Variants in SPATA16 observed in about 807,000 individuals in gnomAD.
SPATA16 encodes the protein spermatogenesis associated 16.
A neutral mutation model predicts 63.3 loss-of-function variants in SPATA16; 36 were observed. The ratio of observed to expected loss-of-function variants is 0.57; its 90% CI spans 0.44 to 0.75. The LOEUF is 0.75. Ranked by LOEUF, SPATA16 falls within the 30% of genes least tolerant of loss-of-function variation. The pLI is 0.00. For synonymous variants in SPATA16, 203 were observed against 216.7 expected, an observed-to-expected ratio of 0.94 and a Z score of 0.56; for missense variants, 646 against 679.3, an observed-to-expected ratio of 0.95 and a Z score of 0.54.
chr3:172,959,257 A>G lies in SPATA16; in HGVS notation c.934-2433T>C, dbSNP rs530315834. Among the ~76,000 whole-genome samples, 3 of 152,230 alleles carry G rather than the reference A, an allele frequency of 2.0e-5. No individual in the cohort carries two copies. The South Asian group carries it at 6.2e-4, about 32-fold the overall frequency. ...TTGGCGAAGCCATCTCACAGTGGGGATGGTAAGACTCGTGCCCAAGAACCT... is the reference window on the plus strand; with the variant it reads ...TTGGCGAAGCCATCTCACAGTGGGGGTGGTAAGACTCGTGCCCAAGAACCT... On this transcript the variant is annotated intron_variant, in intron 5 of 10. Coordinates refer to ENST00000351008, the MANE Select transcript of SPATA16 (RefSeq NM_031955.6).
chr3:172,891,375 C>T (rs1181015259), intron 10 of SPATA16, among the ~76,000 whole-genome samples: 1 of 152,068 alleles, frequency 6.6e-6, no homozygotes, highest in Non-Finnish European at 1.5e-5. Flanking sequence ...AGACAAGAAA[C>T]ACAAGATATG....
At chr3:172,981,833 TA>T (rs1486440936) in intron 4 of SPATA16, among the ~76,000 whole-genome samples, 2 of 152,230 alleles carry the variant, frequency 1.3e-5, no homozygotes, top group Admixed American at 1.3e-4. Context: ...CCTGTGTTTA[TA>T]AATAACGTGT....
At chr3:173,046,331 G>A (rs1254975223) in intron 3 of SPATA16, among the ~76,000 whole-genome samples, 1 of 152,008 alleles carries the variant, frequency 6.6e-6, no homozygotes, top group African/African-American at 2.4e-5. Context: ...TTTGATAATA[G>A]TTGTTTTCAG....
intron 5 of SPATA16, among the ~76,000 whole-genome samples, chr3:172,975,091 T>C (rs1305245822): frequency 1.3e-5 from 2 of 152,130 alleles, no homozygotes; most frequent in East Asian, 1.9e-4. Context: ...GTAAATAAAA[T>C]AGGGATATTA....
At chr3:172,893,849 A>C (rs1185354116) in intron 10 of SPATA16, among the ~76,000 whole-genome samples, 1 of 152,106 alleles carries the variant, frequency 6.6e-6, no homozygotes, top group Admixed American at 6.5e-5. Flanking sequence ...CTTCCTATTA[A>C]ATTTCATGTA....
chr3:172,952,872 G>A lies in SPATA16; in HGVS notation c.1081+3805C>T, dbSNP rs138541976. Among the ~76,000 whole-genome samples the A allele has an allele frequency of 2.0e-5, 3 of 150,922 alleles. No individual in the cohort carries two copies. The East Asian group carries it at 5.8e-4, about 29-fold the overall frequency. ...GGAGAATCGCTTGAACCCGGGAGGT[G>A]GAGGTTGCAGTGAGCTGAGATCTCA... On this transcript the variant is annotated intron_variant, in intron 6 of 10. Transcript: ENST00000351008.
intron 2 of SPATA16, among the ~76,000 whole-genome samples, chr3:173,095,252 T>C (rs561774432): frequency 8.5e-5 from 13 of 152,234 alleles, no homozygotes; most frequent in African/African-American, 2.9e-4. Flanking sequence ...AAACACTTAA[T>C]GAATGCTAAC....
chr3:173,044,798 G>A (rs1008813158), intron 3 of SPATA16, among the ~76,000 whole-genome samples: 1 of 152,080 alleles, frequency 6.6e-6, no homozygotes, highest in Non-Finnish European at 1.5e-5. Context: ...CCCCCTGTGA[G>A]AGAATGCAAT....
intron 2 of SPATA16, among the ~76,000 whole-genome samples, chr3:173,083,121 G>C (rs1736963479): frequency 6.6e-6 from 1 of 151,736 alleles, no homozygotes; most frequent in Non-Finnish European, 1.5e-5. Context: ...AGTTTTATAG[G>C]CTTTTTTTTT....
At chr3:172,939,387 T>A (rs1733091805) in intron 6 of SPATA16, among the ~76,000 whole-genome samples, 1 of 152,112 alleles carries the variant, frequency 6.6e-6, no homozygotes, top group African/African-American at 2.4e-5. Flanking sequence ...AATATTACAA[T>A]GAGAAACCTG....
At chr3:173,106,652 C>T (rs547438923) in intron 2 of SPATA16, among the ~76,000 whole-genome samples, 12 of 152,278 alleles carry the variant, frequency 7.9e-5, no homozygotes, top group Non-Finnish European at 1.3e-4. Context: ...CCTCCAGAAT[C>T]TCACTCTATC....
intron 8 of SPATA16, among the ~76,000 whole-genome samples, chr3:172,920,109 T>C (rs572114326): frequency 6.6e-6 from 1 of 152,332 alleles, no homozygotes; most frequent in East Asian, 1.9e-4. Flanking sequence ...TGTAATATGA[T>C]TTAGTAAAAG....
At chr3:172,979,244 G>GAAA (rs34735050) in intron 4 of SPATA16, among the ~76,000 whole-genome samples, 1 of 144,926 alleles carries the variant, frequency 6.9e-6, no homozygotes, top group Admixed American at 6.9e-5. Flanking sequence ...CTCAAAAAAA[G>GAAA]AAAAAAAAAA....
At chr3:173,133,992 G>A (rs1577192794) in intron 1 of SPATA16, among the ~76,000 whole-genome samples, 1 of 151,516 alleles carries the variant, frequency 6.6e-6, no homozygotes, top group East Asian at 1.9e-4. Flanking sequence ...ATTTTATATG[G>A]AAAAAAAAGG....
intron 3 of SPATA16, among the ~76,000 whole-genome samples, chr3:173,043,397 C>A (rs1372482521): frequency 6.6e-6 from 1 of 151,876 alleles, no homozygotes; most frequent in Non-Finnish European, 1.5e-5. Context: ...TGTAAAAAAG[C>A]CTTACTATAG....
chr3:173,107,510 G>T (rs936737681), intron 2 of SPATA16, among the ~76,000 whole-genome samples: 2 of 149,788 alleles, frequency 1.3e-5, no homozygotes, highest in African/African-American at 5.0e-5. Flanking sequence ...GATAGAAACA[G>T]AATCATCTCT....
intron 6 of SPATA16, among the ~76,000 whole-genome samples, chr3:172,944,264 C>T (rs566848715): frequency 1.3e-5 from 2 of 152,194 alleles, no homozygotes; most frequent in East Asian, 1.9e-4. Context: ...GAAAGATGCT[C>T]AACATCACTA....
At chr3:172,986,811 G>A (rs1296064390) in intron 4 of SPATA16, among the ~76,000 whole-genome samples, 2 of 152,198 alleles carry the variant, frequency 1.3e-5, no homozygotes, top group Non-Finnish European at 1.5e-5. Context: ...TAACACTTTA[G>A]AGGATGTATT....
chr3:172,937,079 A>AT (rs1560072399), intron 6 of SPATA16, among the ~76,000 whole-genome samples: 6 of 152,206 alleles, frequency 3.9e-5, no homozygotes, highest in African/African-American at 1.4e-4. Context: ...TTGAATTGCA[A>AT]TATCGAACAC....
Sources: allele counts gnomAD v4.1 joint callset (sites outside exome capture counted in the v4.1 genomes callset), GRCh38; gene constraint gnomAD v4.1.1; transcripts MANE v1.5; gene names NCBI Gene and HGNC (gene_info 2026-07-23, HGNC 2026-07-21).